MYH4: variants seen among roughly 807,000 people sequenced by gnomAD.
MYH4 encodes the protein myosin-4.
MYH4 carries 200 observed loss-of-function variants against 229.9 expected under a neutral mutation model. The ratio of observed to expected loss-of-function variants is 0.87; its 90% CI spans 0.78 to 0.98. The LOEUF is 0.98. MYH4 is among the 50% of genes least tolerant of loss of function. The pLI is 0.00. For missense variants in MYH4, 2,148 were observed against 2,332.6 expected (o/e 0.92, Z 1.63); for synonymous variants, 761 against 834.6 (o/e 0.91, Z 1.52).
intron 2 of MYH4, among the ~76,000 whole-genome samples, chr17:10,468,155 A>C (rs1241375040): frequency 1.3e-5 from 2 of 152,224 alleles, no homozygotes; most frequent in Admixed American, 1.3e-4. Context: ...TCTTTGAAGA[A>C]GAAATGTTAT....
chr17:10,464,807 A>C (rs1230058666), intron 5 of MYH4, 99 bp from the exon 6 acceptor site: 3 of 1,159,674 alleles, frequency 2.6e-6, no homozygotes, highest in Non-Finnish European at 3.7e-6. Flanking sequence ...AAAACTCCCC[A>C]TTTGCAAAAA....
rs1464040003 is a variant in MYH4 at position 10,466,639 on chromosome 17, G to A, written c.107C>T (p.Thr36Ile). 6.2e-7 allele frequency: 1 copy of A among 1,614,020 alleles called. No homozygotes were observed. The highest frequency in any genetic ancestry group is 1.3e-5 in the African/African-American group (1 of 74,908). Residue 36 changes from threonine to isoleucine, a missense_variant, in exon 3 of 40, where the codon ACA becomes ATA. Transcript: ENST00000255381. ...EAQNKPFDAK[T>I]SVFVVDPKES... ...CTTAGGGTCCACCACAAAGACTGATGTCTTGGCATCAAAAGGCTTGTTCTG... is the reference window on the plus strand; with the variant it reads ...CTTAGGGTCCACCACAAAGACTGATATCTTGGCATCAAAAGGCTTGTTCTG...
intron 25 of MYH4, 52 bp downstream of exon 25, chr17:10,452,735 A>T: frequency 6.5e-7 from 1 of 1,531,380 alleles, no homozygotes; most frequent in Non-Finnish European, 8.8e-7. Context: ...CGTATGTTTC[A>T]TTTGCATTGA....
In MYH4 at chr17:10,448,858, G is replaced by A. The variant is rs1246260841; in HGVS notation, c.4365+6C>T. On this transcript the variant is annotated splice_donor_region_variant and intron_variant, in intron 31 of 39. Coordinates refer to ENST00000255381, the MANE Select transcript of MYH4 (RefSeq NM_017533.2). ...TCCCCCAAGGGGAGCTGGTACTGTG[G>A]ACCACCTTGTCAAAGTTTCTTTGCT... The A allele has an allele frequency of 2.5e-6, 4 of 1,613,904 alleles. No homozygotes were observed. Among genetic ancestry groups the A allele is most frequent in the Non-Finnish European group, 3.4e-6 (4 of 1,179,942 alleles).
intron 15 of MYH4, among the ~76,000 whole-genome samples, chr17:10,458,023 A>T (rs954786362): frequency 6.6e-6 from 1 of 152,206 alleles, no homozygotes; most frequent in Non-Finnish European, 1.5e-5. Flanking sequence ...CCATAAATGT[A>T]TATATCTGAC....
Position 10,463,404 on chromosome 17 carries a change from TA to T in MYH4, c.742-4del. ...AAATGGATCCTGATGAATTTACCCT[TA>T]AAAAAGAAAAGGAGGGATTATTATA... On this transcript the variant is annotated splice_region_variant and splice_polypyrimidine_tract_variant and intron_variant, in intron 8 of 39. Transcript: ENST00000255381. The T allele has an allele frequency of 1.9e-6, 3 of 1,611,674 alleles. No individual in the cohort carries two copies. The highest frequency in any genetic ancestry group is 1.7e-5 in the Admixed American group (1 of 59,662).
At chr17:10,449,551 A>G (rs2072549262) in intron 30 of MYH4, among the ~76,000 whole-genome samples, 1 of 152,214 alleles carries the variant, frequency 6.6e-6, no homozygotes, top group African/African-American at 2.4e-5. Flanking sequence ...CAGGAAGCAT[A>G]TCACCAAGGA....
At chr17:10,464,209 A>G (rs984135884) in intron 7 of MYH4, among the ~76,000 whole-genome samples, 2 of 151,876 alleles carry the variant, frequency 1.3e-5, no homozygotes, top group African/African-American at 2.4e-5. Context: ...TATTCTTCCC[A>G]TCTTTATGCC....
In MYH4 at chr17:10,448,923, C is replaced by T. The variant is rs747548431; in HGVS notation, c.4306G>A (p.Val1436Met). 2 of 1,614,176 alleles carry T rather than the reference C, an allele frequency of 1.2e-6. No homozygotes were observed. Among genetic ancestry groups the T allele is most frequent in the Non-Finnish European group, 8.5e-7 (1 of 1,180,018 alleles). Reference sequence around the variant, plus strand: ...ATGCAGGCAGCATTAGATCGTTCCACATCAATCATGAGGTCCTCTACTTCA... The same window carrying T: ...ATGCAGGCAGCATTAGATCGTTCCATATCAATCATGAGGTCCTCTACTTCA... The part of the protein sequence containing the change: ...QNEVEDLMID[V>M]ERSNAACIAL... Residue 1436 changes from valine (V) to methionine (M), a missense_variant, in exon 31 of 40, where the codon GTG (valine) becomes ATG (methionine). Val to Met is a conservative substitution (Grantham distance 21). Transcript: ENST00000255381.
At position 10,453,724 on chromosome 17, in the gene MYH4, A is replaced by G; in HGVS notation, c.2853T>C (p.Cys951=). The change falls in exon 23 of 40, where the codon TGT becomes TGC. Residue 951 remains cysteine, a synonymous_variant. Transcript: ENST00000255381. ...CATCAATGTCTTTCTTGAGCTCTGA[A>G]CATTCATCCTCCAGTTTCCTCTTCT... ...TAKKRKLEDE[C]SELKKDIDDL... 1.9e-6 allele frequency: 3 copies of G among 1,614,060 alleles called. No homozygotes were observed. Among genetic ancestry groups the G allele is most frequent in the Non-Finnish European group, 2.5e-6 (3 of 1,179,988 alleles).
chr17:10,460,489 C>T (rs566441631), intron 12 of MYH4, among the ~76,000 whole-genome samples, 168 bp from the exon 13 acceptor site: 11 of 152,340 alleles, frequency 7.2e-5, no homozygotes, highest in African/African-American at 2.2e-4. Context: ...ACCACTTGCA[C>T]TAATTTTAGT....
chr17:10,455,189 T>G lies in MYH4; in HGVS notation c.2281A>C (p.Lys761Gln). 1 of 1,614,206 alleles carries G rather than the reference T, an allele frequency of 6.2e-7. No homozygotes were observed. The highest frequency in any genetic ancestry group is 8.5e-7 in the Non-Finnish European group (1 of 1,180,036). Residue 761 changes from lysine (K) to glutamine (Q), a missense_variant, in exon 20 of 40, where the codon AAA becomes CAA. By Grantham distance (53) the Lys-to-Gln change is moderately conservative. Coordinates refer to ENST00000255381, the MANE Select transcript of MYH4 (RefSeq NM_017533.2). ...GGTGATACCTTGGTATGACCGAATT[T>G]GTACTGGGTGTGGTCAATTTCAATA... ...GSIEIDHTQYKFGHTKVFFKA... is the reference protein window; with the variant it reads ...GSIEIDHTQYQFGHTKVFFKA...
At chr17:10,459,919 C>A (rs368969795) in intron 14 of MYH4, 33 bp downstream of exon 14, 2 of 1,613,552 alleles carry the variant, frequency 1.2e-6, no homozygotes, top group Non-Finnish European at 1.7e-6. Context: ...AGAGGATTTG[C>A]ACTGGCTAAT....
Position 10,465,520 on chromosome 17 carries a change from A to G in MYH4, c.427T>C (p.Tyr143His), listed in dbSNP as rs748989095. ...PVYNPEVVTA[Y>H]RGKKRQEAPP... ...GCCTCCTGGCGCTTTTTGCCTCGGT[A>G]GGCTGTCACCACCTCAGGGTTGTAC... The change falls in exon 5 of 40, where the codon TAC becomes CAC. Residue 143 changes from tyrosine (Y) to histidine (H), a missense_variant. Physicochemically the swap from Tyr to His is moderately conservative, Grantham distance 83 (BLOSUM62 2). Transcript: ENST00000255381. The G allele has an allele frequency of 3.7e-6, 6 of 1,614,142 alleles. No individual in the cohort carries two copies. The highest frequency in any genetic ancestry group is 5.1e-6 in the Non-Finnish European group (6 of 1,180,028).
intron 34 of MYH4, 65 bp from the exon 35 acceptor site, chr17:10,447,281 A>G (rs190121298): frequency 1.2e-5 from 16 of 1,388,528 alleles, no homozygotes; most frequent in African/African-American, 1.1e-4. Flanking sequence ...ACTTATGGTC[A>G]TGTACACTCT....
At position 10,450,504 on chromosome 17, in the gene MYH4, G is replaced by A. The variant is rs34987433; in HGVS notation, c.4130C>T (p.Thr1377Ile). The change falls in exon 30 of 40, where the codon ACC (threonine) becomes ATC (isoleucine). Residue 1377 changes from threonine (T) to isoleucine (I), a missense_variant. Thr to Ile is a moderately conservative substitution (Grantham distance 89). Transcript: ENST00000255381. ...KANSEVAQWRTKYETDAIQRT... is the reference protein window; with the variant it reads ...KANSEVAQWRIKYETDAIQRT... ...CTGGATGGCGTCCGTCTCGTACTTG[G>A]TCCTCCACTGGGCAACCTCACTGTT... 1 of 1,613,972 alleles carries A rather than the reference G, an allele frequency of 6.2e-7. No homozygotes were observed. The highest frequency in any genetic ancestry group is 8.5e-7 in the Non-Finnish European group (1 of 1,179,936).
chr17:10,445,129 C>A lies in MYH4; in HGVS notation c.5313G>T (p.Glu1771Asp). The A allele has an allele frequency of 6.2e-7, 1 of 1,614,172 alleles. No homozygotes were observed. Among genetic ancestry groups the A allele is most frequent in the Non-Finnish European group, 8.5e-7 (1 of 1,180,032 alleles). Residue 1771 changes from glutamate to aspartate, a missense_variant, in exon 37 of 40, where the codon GAG (glutamate) becomes GAT (aspartate). Transcript: ENST00000255381. Reference protein sequence around the residue: ...KAITDAAMMAEELKKEQDTSA... With the variant: ...KAITDAAMMADELKKEQDTSA... ...TGGTGTCCTGTTCCTTCTTCAGCTC[C>A]TCAGCCATCATGGCAGCCTAGTTAG... is the stretch of plus-strand genomic sequence containing the variant.
rs201659448 is a variant in MYH4 at position 10,459,407 on chromosome 17, C to T, written c.1431G>A (p.Glu477=). ...CGTTGGTGAAGTTGATGCACAGCTGCTCCAGGCTGTTGAACTACAGAACAA... is the reference window on the plus strand; with the variant it reads ...CGTTGGTGAAGTTGATGCACAGCTGTTCCAGGCTGTTGAACTACAGAACAA... The part of the protein sequence containing the change: ...GFEIFDFNSL[E]QLCINFTNEK... Residue 477 remains glutamate (E), a synonymous_variant, in exon 15 of 40, where the codon GAG becomes GAA. Transcript: ENST00000255381. The T allele has an allele frequency of 5.0e-6, 8 of 1,614,136 alleles. No homozygotes were observed. Among genetic ancestry groups the T allele is most frequent in the Admixed American group, 1.7e-5 (1 of 60,020 alleles).
chr17:10,459,651 G>T (rs539297082), intron 14 of MYH4, among the ~76,000 whole-genome samples: 52 of 151,906 alleles, frequency 3.4e-4, no homozygotes, highest in Non-Finnish European at 7.2e-4. Context: ...GTTAAATGAG[G>T]ACTCTGAAAT....
Sources: allele counts gnomAD v4.1 joint callset (sites outside exome capture counted in the v4.1 genomes callset), GRCh38; gene constraint gnomAD v4.1.1; transcripts MANE v1.5; gene names NCBI Gene and HGNC (gene_info 2026-07-23, HGNC 2026-07-21).